Variants in ATP2B2 observed in about 807,000 individuals in gnomAD.
The protein encoded by ATP2B2 is plasma membrane calcium-transporting ATPase 2.
A neutral mutation model predicts 120.0 loss-of-function variants in ATP2B2; 15 were observed. The observed-to-expected ratio is 0.12, with a 90% CI of 0.08 to 0.19. The LOEUF (loss-of-function observed/expected upper bound fraction) is 0.19, where lower values mean the gene tolerates loss of function less well. Ranked by LOEUF, ATP2B2 falls within the 10% of genes least tolerant of loss-of-function variation. ATP2B2 has a pLI of 1.00. For missense variants in ATP2B2, 1,045 were observed against 1,719.8 expected, an observed-to-expected ratio of 0.61 and a Z score of 6.94; for synonymous variants, 694 against 700.3, an observed-to-expected ratio of 0.99 and a Z score of 0.14.
chr3:10,560,772 C>T (rs537926410), intron 2 of ATP2B2, among the ~76,000 whole-genome samples: 1 of 152,260 alleles, frequency 6.6e-6, no homozygotes, highest in South Asian at 2.1e-4. Flanking sequence ...TGGATTCGAG[C>T]ACATTGTAGC....
chr3:10,633,189 C>G (rs1433778863), intron 1 of ATP2B2, among the ~76,000 whole-genome samples: 1 of 152,224 alleles, frequency 6.6e-6, no homozygotes, highest in Non-Finnish European at 1.5e-5. Context: ...CTCCCTTCAT[C>G]AAGAAAATGA....
intron 12 of ATP2B2, 84 bp from the exon 13 acceptor site, chr3:10,360,207 C>G: frequency 2.0e-6 from 3 of 1,505,856 alleles, no homozygotes; most frequent in Non-Finnish European, 1.8e-6. Context: ...GGCTCTGGGA[C>G]TGCCACTTAG....
intron 2 of ATP2B2, among the ~76,000 whole-genome samples, chr3:10,431,845 G>C (rs548030384): frequency 1.3e-5 from 2 of 152,114 alleles, no homozygotes; most frequent in Admixed American, 6.5e-5. Context: ...TTCCAAAAAG[G>C]GGGTGGGCTG....
At chr3:10,411,844 G>C (rs1170466636) in intron 2 of ATP2B2, among the ~76,000 whole-genome samples, 1 of 152,208 alleles carries the variant, frequency 6.6e-6, no homozygotes, top group Non-Finnish European at 1.5e-5. Context: ...CTGGACAAGG[G>C]AGTGAGGTGT....
At chr3:10,612,623 G>C (rs139571002) in intron 2 of ATP2B2, among the ~76,000 whole-genome samples, 3,815 of 152,114 alleles carry the variant, frequency 0.025, 104 homozygotes, top group South Asian at 0.15. Context: ...CTTTAAATAC[G>C]ATCTATATAC....
chr3:10,375,355 C>T lies in ATP2B2; in HGVS notation c.1416+75G>A, dbSNP rs1355902190. 3.7e-6 allele frequency: 5 copies of T among 1,343,582 alleles called. No individual in the cohort carries two copies. Among genetic ancestry groups the T allele is most frequent in the African/African-American group, 2.9e-5 (2 of 69,618 alleles). 83.2% of individuals were successfully genotyped at this position (1,343,582 alleles called of 1,614,324 possible). ...CTTCGTTCATCTCCCAACCCCAGCA[C>T]CAGCCCCAGTGATTCCCCCAGGCCC... On this transcript the variant is annotated intron_variant, in intron 11 of 22. Coordinates refer to ENST00000360273, the MANE Select transcript of ATP2B2 (RefSeq NM_001001331.4). This position sits in a 1 kb window ranked among gnomAD's most constrained non-coding sequence, Gnocchi z 4.2.
chr3:10,403,174 A>G (rs2062286120), intron 3 of ATP2B2, among the ~76,000 whole-genome samples: 1 of 152,168 alleles, frequency 6.6e-6, no homozygotes, highest in South Asian at 2.1e-4. Context: ...TCCAGGACTC[A>G]GGGAGAGGAA....
At chr3:10,553,714 G>T (rs2067718426) in intron 2 of ATP2B2, among the ~76,000 whole-genome samples, 1 of 152,192 alleles carries the variant, frequency 6.6e-6, no homozygotes, top group Non-Finnish European at 1.5e-5. Context: ...AGCTCGGAGT[G>T]GGTGGAGCTT....
chr3:10,339,484 C>G (rs1454192135), intron 21 of ATP2B2, among the ~76,000 whole-genome samples: 2 of 152,176 alleles, frequency 1.3e-5, no homozygotes, highest in Non-Finnish European at 2.9e-5. Flanking sequence ...TCCTCCCAAG[C>G]CCTGTGTCCT....
chr3:10,532,800 CCT>C, intron 3 of ATP2B2, among the ~76,000 whole-genome samples: 1 of 152,248 alleles, frequency 6.6e-6, no homozygotes, highest in East Asian at 1.9e-4. Context: ...TTGCTCCCTC[CCT>C]GAGTTGAGTC....
At chr3:10,560,580 TCAGC>T (rs1422127296) in intron 2 of ATP2B2, among the ~76,000 whole-genome samples, 1 of 152,160 alleles carries the variant, frequency 6.6e-6, no homozygotes, top group Non-Finnish European at 1.5e-5. Flanking sequence ...CTGGCTCCCA[TCAGC>T]CCCTTGCCCC....
intron 22 of ATP2B2, among the ~76,000 whole-genome samples, chr3:10,335,111 G>A (rs906559167): frequency 1.3e-5 from 2 of 152,220 alleles, no homozygotes; most frequent in Non-Finnish European, 2.9e-5. Flanking sequence ...GTGGTGGCAT[G>A]AGGAGATGAG....
intron 1 of ATP2B2, among the ~76,000 whole-genome samples, chr3:10,476,458 T>C (rs1284418515): frequency 6.6e-6 from 1 of 152,150 alleles, no homozygotes; most frequent in East Asian, 1.9e-4. Flanking sequence ...CCAGAAAGCA[T>C]GGGAACAACG....
chr3:10,328,569 C>A lies in ATP2B2; in HGVS notation c.*245G>T. The A allele has an allele frequency of 1.9e-6, 1 of 515,782 alleles. No individual in the cohort carries two copies. The highest frequency in any genetic ancestry group is 3.4e-6 in the Non-Finnish European group (1 of 293,300). 32.0% of individuals were successfully genotyped at this position (515,782 alleles called of 1,614,324 possible). On this transcript the variant is annotated 3_prime_UTR_variant, in exon 23 of 23. Coordinates refer to ENST00000360273, the MANE Select transcript of ATP2B2 (RefSeq NM_001001331.4). ...CCAGGAAGGGCTTGTTTTGGGAAAA[C>A]CGCTCACTCCCGTAAGCCCCCAGTG...
Position 10,402,445 on chromosome 3 carries a change from G to C in ATP2B2, c.398-97C>G. On this transcript the variant is annotated intron_variant, in intron 3 of 22. Transcript: ENST00000360273. The surrounding 1 kb of genome is among the most constrained non-coding windows in gnomAD (Gnocchi z 4.9). ...AGCTCAGCTCTGCAAAGTAACAAGT[G>C]TTAAGAATCAGATGATAATTATCCA... 6.5e-7 allele frequency: 1 copy of C among 1,539,242 alleles called. No individual in the cohort carries two copies. The highest frequency in any genetic ancestry group is 1.7e-4 in the Middle Eastern group (1 of 5,756).
chr3:10,675,514 A>G (rs1169972272), intron 1 of ATP2B2, among the ~76,000 whole-genome samples: 1 of 152,188 alleles, frequency 6.6e-6, no homozygotes, highest in Non-Finnish European at 1.5e-5. Context: ...AACAAATTTG[A>G]GGCTCTGGTG....
Position 10,340,401 on chromosome 3 carries a change from C to A in ATP2B2, c.3130-52G>T, listed in dbSNP as rs755473567. On this transcript the variant is annotated intron_variant, in intron 20 of 22. Transcript: ENST00000360273. The surrounding 1 kb of genome is among the most constrained non-coding windows in gnomAD (Gnocchi z 5.0). ...GAGAGAGAGAGAGGCCATCAGGGAC[C>A]AGCACAGAGGGCTGGGCTCTCAGGG... is the stretch of plus-strand genomic sequence containing the variant. The A allele has an allele frequency of 3.7e-6, 6 of 1,611,988 alleles. No individual in the cohort carries two copies. In the East Asian group the frequency reaches 1.3e-4, roughly 36 times the overall value.
chr3:10,660,516 TG>T (rs1010721895), intron 1 of ATP2B2, among the ~76,000 whole-genome samples: 4 of 152,224 alleles, frequency 2.6e-5, no homozygotes, highest in African/African-American at 9.6e-5. Flanking sequence ...GATAAATTCC[TG>T]GATACATACA....
At position 10,449,684 on chromosome 3, in the gene ATP2B2, G is replaced by A; in HGVS notation, c.-141C>T. 1 of 1,016,966 alleles carries A rather than the reference G, an allele frequency of 9.8e-7. No individual in the cohort carries two copies. The highest frequency in any genetic ancestry group is 1.5e-6 in the Non-Finnish European group (1 of 664,146). 63.0% of individuals were successfully genotyped at this position (1,016,966 alleles called of 1,614,324 possible). A position where few individuals can be genotyped will look rare whatever the true frequency, so the allele number is the denominator to read the frequency against. ...CAGGCGGCCGACTCCGGGTCCCGGG[G>A]GGTGGGGGTGGCCGAGGCGGGCTGG... On this transcript the variant is annotated 5_prime_UTR_variant, in exon 2 of 23. Transcript: ENST00000360273.
Sources: allele counts gnomAD v4.1 joint callset (sites outside exome capture counted in the v4.1 genomes callset), GRCh38; gene constraint gnomAD v4.1.1; non-coding constraint Gnocchi (gnomAD v3.1); transcripts MANE v1.5; gene names NCBI Gene and HGNC (gene_info 2026-07-23, HGNC 2026-07-21).